SMYD3: variants seen among roughly 807,000 people sequenced by gnomAD.
The protein encoded by SMYD3 is histone-lysine N-methyltransferase SMYD3.
SMYD3 carries 36 observed loss-of-function variants against 57.7 expected under a neutral mutation model. That is an observed-to-expected ratio of 0.62 (90% CI 0.48 to 0.82). The LOEUF (loss-of-function observed/expected upper bound fraction) is 0.82, where lower values mean the gene tolerates loss of function less well. Among genes scored for constraint, SMYD3 ranks in the 40% least tolerant of loss-of-function variants. The probability of loss-of-function intolerance (pLI) is 0.00; values close to 1 mark genes in which losing one functional copy is unlikely to be tolerated. For missense variants in SMYD3, 515 were observed against 538.8 expected, an observed-to-expected ratio of 0.96 and a Z score of 0.44; for synonymous variants, 211 against 195.0, an observed-to-expected ratio of 1.08 and a Z score of -0.68.
intron 1 of SMYD3, among the ~76,000 whole-genome samples, chr1:246,495,843 T>G (rs1236584818): frequency 1.3e-5 from 2 of 151,452 alleles, no homozygotes; most frequent in African/African-American, 2.4e-5. Context: ...TCCCAGCTAC[T>G]CAGAGGGCGG....
At chr1:246,087,016 T>C (rs920183180) in intron 5 of SMYD3, among the ~76,000 whole-genome samples, 4 of 152,204 alleles carry the variant, frequency 2.6e-5, no homozygotes, top group Admixed American at 2.6e-4. Flanking sequence ...CTGAGGATAA[T>C]GGCTTCCAGC....
In SMYD3 at chr1:246,213,608, C is replaced by T. The variant is rs892869263; in HGVS notation, c.531+113593G>A. Among the ~76,000 whole-genome samples the T allele has an allele frequency of 4.6e-5, 7 of 152,292 alleles. No homozygotes were observed. In the East Asian group the frequency reaches 1.4e-3, roughly 29 times the overall value. ...CACTCAGCTACCTGGTTTGTTCACC[C>T]AACCTGCCCTGTCTACTGCACTTCC... is the stretch of plus-strand genomic sequence containing the variant. On this transcript the variant is annotated intron_variant, in intron 5 of 11. Transcript: ENST00000490107.
intron 5 of SMYD3, among the ~76,000 whole-genome samples, chr1:245,971,010 C>T (rs930711664): frequency 1.1e-4 from 17 of 152,112 alleles, no homozygotes; most frequent in African/African-American, 3.4e-4. Flanking sequence ...ATGTTTATTG[C>T]GGCACTATTC....
At chr1:246,024,033 G>A (rs939759113) in intron 5 of SMYD3, among the ~76,000 whole-genome samples, 6 of 152,128 alleles carry the variant, frequency 3.9e-5, no homozygotes, top group African/African-American at 1.2e-4. Context: ...AGGAACTACA[G>A]AGATCACTGA....
intron 5 of SMYD3, among the ~76,000 whole-genome samples, chr1:246,123,571 AACACAC>A (rs557543331): frequency 0.011 from 1,423 of 129,560 alleles, 14 homozygotes; most frequent in African/African-American, 0.019. Context: ...TCCATCTCAA[AACACAC>A]ACACACACAC....
chr1:245,770,105 C>A (rs1034545367), intron 10 of SMYD3, among the ~76,000 whole-genome samples: 1 of 152,158 alleles, frequency 6.6e-6, no homozygotes, highest in African/African-American at 2.4e-5. Context: ...GCTGAAAACA[C>A]GAAATGCTGT....
chr1:246,351,478 T>C (rs1324544938), intron 2 of SMYD3, among the ~76,000 whole-genome samples: 2 of 152,216 alleles, frequency 1.3e-5, no homozygotes, highest in Non-Finnish European at 2.9e-5. Context: ...TGTGTGATGT[T>C]CTGTTTATAG....
chr1:245,915,773 ACTG>A, intron 7 of SMYD3, 133 bp from the exon 8 acceptor site: 1 of 556,696 alleles, frequency 1.8e-6, no homozygotes, highest in Non-Finnish European at 3.1e-6. Flanking sequence ...GAGAGAAGGT[ACTG>A]CTTATAGTTT....
rs1382219351 is a variant in SMYD3 at position 245,817,475 on chromosome 1, T to A, written c.1076+41021A>T. 6.3e-5 allele frequency among the ~76,000 whole-genome samples: 9 copies of A among 143,288 alleles called. No individual in the cohort carries two copies. The South Asian group carries it at 6.7e-4, about 11-fold the overall frequency. The allele number at this position is 143,288 out of a possible 152,430, so 94.0% of individuals were successfully genotyped here. ...AACAGAACAGAAAAACTGGAAACTC[T>A]AAAAAGCAGAGCACCTCTCCTCCTC... On this transcript the variant is annotated intron_variant, in intron 10 of 11. Coordinates refer to ENST00000490107, the MANE Select transcript of SMYD3 (RefSeq NM_001167740.2).
chr1:245,783,087 T>A (rs2046897597), intron 10 of SMYD3, among the ~76,000 whole-genome samples: 4 of 152,168 alleles, frequency 2.6e-5, no homozygotes, highest in African/African-American at 9.7e-5. Flanking sequence ...TATACAGACT[T>A]TAACTTCTGG....
At chr1:245,774,935 G>T (rs1181994079) in intron 10 of SMYD3, among the ~76,000 whole-genome samples, 1 of 152,138 alleles carries the variant, frequency 6.6e-6, no homozygotes, top group African/African-American at 2.4e-5. Flanking sequence ...GCTCCTAACC[G>T]CGAGTGATCC....
At chr1:245,754,657 C>G (rs191186342) in intron 11 of SMYD3, among the ~76,000 whole-genome samples, 2 of 152,240 alleles carry the variant, frequency 1.3e-5, no homozygotes, top group South Asian at 2.1e-4. Context: ...GGAGACCCCA[C>G]TCCACTCTAC....
intron 8 of SMYD3, among the ~76,000 whole-genome samples, chr1:245,906,634 C>T (rs1216227313): frequency 6.6e-6 from 1 of 152,230 alleles, no homozygotes; most frequent in Non-Finnish European, 1.5e-5. Context: ...AGCAATCCTA[C>T]TGCTGGGTAT....
intron 5 of SMYD3, among the ~76,000 whole-genome samples, chr1:245,952,304 C>T (rs2057682742): frequency 2.0e-5 from 3 of 151,764 alleles, no homozygotes; most frequent in African/African-American, 7.3e-5. Context: ...AATCAAACAC[C>T]AGGAAACAAG....
At chr1:246,327,419 A>C (rs1428358157) in intron 4 of SMYD3, 82 bp from the exon 5 acceptor site, 18 of 1,208,114 alleles carry the variant, frequency 1.5e-5, no homozygotes, top group Non-Finnish European at 2.0e-5. Context: ...GCTGGCTGTT[A>C]AACCAGATAT....
chr1:245,840,923 G>C (rs533407557), intron 10 of SMYD3, among the ~76,000 whole-genome samples: 3 of 152,218 alleles, frequency 2.0e-5, no homozygotes, highest in Admixed American at 6.5e-5. Flanking sequence ...GCAGTGCAGA[G>C]AGCCAAGGCT....
chr1:246,421,778 G>C (rs527929436), intron 1 of SMYD3, among the ~76,000 whole-genome samples: 28 of 152,352 alleles, frequency 1.8e-4, no homozygotes, highest in Admixed American at 5.2e-4. Flanking sequence ...CAAACATCAA[G>C]TGCAATGTGA....
At chr1:246,450,882 ATATT>A (rs1311549996) in intron 1 of SMYD3, among the ~76,000 whole-genome samples, 1 of 152,258 alleles carries the variant, frequency 6.6e-6, no homozygotes, top group Non-Finnish European at 1.5e-5. Flanking sequence ...GAAGTGAACT[ATATT>A]TATAAGCAAA....
chr1:245,928,933 T>A (rs1044733124), intron 6 of SMYD3, among the ~76,000 whole-genome samples: 1 of 152,234 alleles, frequency 6.6e-6, no homozygotes, highest in African/African-American at 2.4e-5. Flanking sequence ...GGAAACAAAA[T>A]GGATTTAAGC....
Sources: allele counts gnomAD v4.1 joint callset (sites outside exome capture counted in the v4.1 genomes callset), GRCh38; gene constraint gnomAD v4.1.1; transcripts MANE v1.5; gene names NCBI Gene and HGNC (gene_info 2026-07-23, HGNC 2026-07-21).